Variants in FAM149B1 observed in about 807,000 individuals in gnomAD.
FAM149B1 encodes family with sequence similarity 149 member B1.
In FAM149B1, 56 loss-of-function variants were observed where a neutral mutation model predicts 75.3. The ratio of observed to expected loss-of-function variants is 0.74; its 90% CI spans 0.60 to 0.93. The LOEUF is 0.93. Among genes scored for constraint, FAM149B1 ranks in the 40% least tolerant of loss-of-function variants. FAM149B1 has a pLI of 0.00. For missense variants in FAM149B1, 639 were observed against 708.4 expected, an observed-to-expected ratio of 0.90 and a Z score of 1.11; for synonymous variants, 259 against 256.1, an observed-to-expected ratio of 1.01 and a Z score of -0.11.
intron 5 of FAM149B1, among the ~76,000 whole-genome samples, chr10:73,201,698 A>G (rs955594588): frequency 1.3e-5 from 2 of 152,154 alleles, no homozygotes; most frequent in African/African-American, 4.8e-5. Context: ...TTGGTATTGT[A>G]TTTATGCAAT....
rs1455815267 is a variant in FAM149B1, at chr10:73,208,645, AT to A, written c.574del (p.Ser192HisfsTer28). 6.5e-7 allele frequency: 1 copy of A among 1,534,652 alleles called. No individual in the cohort carries two copies. The highest frequency in any genetic ancestry group is 8.8e-7 in the Non-Finnish European group (1 of 1,137,954). On this transcript the variant is annotated frameshift_variant, in exon 6 of 14. Transcript: ENST00000242505. LOFTEE classifies it high-confidence loss of function. ...TTTGGTATAAGGGGAAAGAAGTTACATTTTTCATCTTCTTATGCTCATAAAG... is the reference window on the plus strand; with the variant it reads ...TTTGGTATAAGGGGAAAGAAGTTACATTTTCATCTTCTTATGCTCATAAAG... ...TIFGIRGKKL[H>X]FSSSYAHKAS...
chr10:73,168,226 G>T lies in FAM149B1; in HGVS notation c.-114G>T. On this transcript the variant is annotated 5_prime_UTR_variant, in exon 1 of 14. Coordinates refer to ENST00000242505, the MANE Select transcript of FAM149B1 (RefSeq NM_173348.2). ...TGACGGGGCGAGACGGGGCCGGTAG[G>T]TGGCGGGAGGGGCCGGGCCGGAGCC... 2 of 1,163,732 alleles carry T rather than the reference G, an allele frequency of 1.7e-6. No individual in the cohort carries two copies. Among genetic ancestry groups the T allele is most frequent in the South Asian group, 3.1e-5 (2 of 64,066 alleles). 72.1% of individuals were successfully genotyped at this position (1,163,732 alleles called of 1,614,324 possible).
intron 3 of FAM149B1, among the ~76,000 whole-genome samples, chr10:73,185,513 C>CA (rs1357432424): frequency 2.0e-5 from 3 of 152,236 alleles, no homozygotes; most frequent in Non-Finnish European, 4.4e-5. Context: ...CACACTACTG[C>CA]ATTCCACTGG....
At chr10:73,177,477 G>A (rs1244366353) in intron 2 of FAM149B1, among the ~76,000 whole-genome samples, 1 of 151,578 alleles carries the variant, frequency 6.6e-6, no homozygotes, top group Admixed American at 6.6e-5. Context: ...GGGAGACTAA[G>A]GCAAGAGAAT....
At chr10:73,181,429 T>C (rs771737041) in intron 3 of FAM149B1, among the ~76,000 whole-genome samples, 8 of 152,192 alleles carry the variant, frequency 5.3e-5, no homozygotes, top group Non-Finnish European at 1.2e-4. Flanking sequence ...CTGTTTCCCA[T>C]AGGTTTGGAT....
chr10:73,174,813 G>C (rs1334386079), intron 2 of FAM149B1, 22 bp downstream of exon 2: 2 of 1,472,690 alleles, frequency 1.4e-6, no homozygotes, highest in Non-Finnish European at 1.9e-6. Context: ...AAGTGTACTT[G>C]TTTACTTATT....
At chr10:73,198,559 C>CT (rs1272783003) in intron 5 of FAM149B1, among the ~76,000 whole-genome samples, 2 of 152,262 alleles carry the variant, frequency 1.3e-5, no homozygotes, top group Admixed American at 6.5e-5. Context: ...AATCCCAACA[C>CT]TTTGAGAGGC....
At chr10:73,203,164 T>A (rs2042979301) in intron 5 of FAM149B1, among the ~76,000 whole-genome samples, 1 of 152,182 alleles carries the variant, frequency 6.6e-6, no homozygotes, top group Non-Finnish European at 1.5e-5. Context: ...AAACATGATA[T>A]TCGCTTTCCA....
chr10:73,234,463 A>G (rs1253686115), intron 10 of FAM149B1: 3 of 215,700 alleles, frequency 1.4e-5, no homozygotes, highest in African/African-American at 4.6e-5. Context: ...AACGATAACC[A>G]GAAGGTCCAG....
At chr10:73,234,501 G>C (rs1423218409) in intron 10 of FAM149B1, 6 of 277,012 alleles carry the variant, frequency 2.2e-5, no homozygotes, top group Admixed American at 4.9e-5. Flanking sequence ...TCATCAGCTG[G>C]GAATTTACAA....
intron 6 of FAM149B1, 22 bp downstream of exon 6, chr10:73,208,808 C>T: frequency 7.2e-7 from 1 of 1,379,608 alleles, no homozygotes; most frequent in Non-Finnish European, 9.5e-7. Flanking sequence ...GCCTTTTAAG[C>T]TTTTTACTCC....
chr10:73,240,554 T>C (rs1315794989), intron 13 of FAM149B1, among the ~76,000 whole-genome samples: 1 of 152,006 alleles, frequency 6.6e-6, no homozygotes, highest in Non-Finnish European at 1.5e-5. Flanking sequence ...CTACTAAAAA[T>C]ACAAAAAATT....
chr10:73,228,955 T>C (rs2043620776), intron 8 of FAM149B1, among the ~76,000 whole-genome samples: 1 of 152,140 alleles, frequency 6.6e-6, no homozygotes, highest in Non-Finnish European at 1.5e-5. Context: ...GGTCTCAAAC[T>C]CCTGGGCTCA....
intron 3 of FAM149B1, among the ~76,000 whole-genome samples, chr10:73,178,352 G>A (rs1301437896): frequency 6.6e-6 from 1 of 152,172 alleles, no homozygotes; most frequent in Admixed American, 6.5e-5. Context: ...TTAGCCGGGT[G>A]TGGTGGTGCA....
chr10:73,230,699 G>A, intron 9 of FAM149B1, 174 bp downstream of exon 9: 2 of 547,218 alleles, frequency 3.7e-6, no homozygotes, highest in South Asian at 4.4e-5. Context: ...TAATGTAACT[G>A]GAAAGAGAAG....
Position 73,210,208 on chromosome 10 carries a change from C to A in FAM149B1, c.711-43C>A, listed in dbSNP as rs768121993. 3.4e-5 allele frequency: 46 copies of A among 1,371,152 alleles called. No individual in the cohort carries two copies. In the East Asian group the frequency reaches 1.2e-3, roughly 34 times the overall value. The allele number at this position is 1,371,152 out of a possible 1,614,324, so 84.9% of individuals were successfully genotyped here. ...CAGACAATTTTAGAAAGGCAGCCTT[C>A]CCTTCAGCATCATGAAGTCTTTCCT... On this transcript the variant is annotated intron_variant, in intron 6 of 13. Coordinates refer to ENST00000242505, the MANE Select transcript of FAM149B1 (RefSeq NM_173348.2).
At chr10:73,177,471 G>T (rs952497541) in intron 2 of FAM149B1, among the ~76,000 whole-genome samples, 1 of 151,572 alleles carries the variant, frequency 6.6e-6, no homozygotes, top group Non-Finnish European at 1.5e-5. Flanking sequence ...CTACTTGGGA[G>T]ACTAAGGCAA....
intron 7 of FAM149B1, 45 bp downstream of exon 7, chr10:73,210,483 T>C (rs1205547186): frequency 5.9e-6 from 8 of 1,362,712 alleles, no homozygotes; most frequent in Admixed American, 4.2e-5. Flanking sequence ...TTGTTTATGA[T>C]TTCTAAACCC....
Position 73,168,279 on chromosome 10 carries a change from C to G in FAM149B1, c.-61C>G. The G allele has an allele frequency of 6.5e-7, 1 of 1,535,232 alleles. No individual in the cohort carries two copies. The highest frequency in any genetic ancestry group is 8.8e-7 in the Non-Finnish European group (1 of 1,137,152). On this transcript the variant is annotated 5_prime_UTR_variant, in exon 1 of 14. Transcript: ENST00000242505. ...CGGGAGGGCCAGGCCCGGAGGCCCC[C>G]ACCCTGGCGTGCCTGCCCCGGCCGC...
Sources: allele counts gnomAD v4.1 joint callset (sites outside exome capture counted in the v4.1 genomes callset), GRCh38; gene constraint gnomAD v4.1.1; transcripts MANE v1.5; gene names NCBI Gene and HGNC (gene_info 2026-07-23, HGNC 2026-07-21).